Variants in CCDC178 observed in about 807,000 individuals in gnomAD.
The protein encoded by CCDC178 is coiled-coil domain-containing protein 178.
CCDC178 carries 126 observed loss-of-function variants against 117.4 expected under a neutral mutation model. That is an observed-to-expected ratio of 1.07 (90% CI 0.93 to 1.24). The LOEUF is 1.24. CCDC178 is among the 50% of genes most tolerant of loss of function. The pLI is 0.00. For missense variants in CCDC178, 1,030 were observed against 986.9 expected (o/e 1.04, Z -0.59); for synonymous variants, 283 against 313.4 (o/e 0.90, Z 1.02).
chr18:32,955,651 C>A (rs1282702950), intron 22 of CCDC178, among the ~76,000 whole-genome samples: 1 of 151,852 alleles, frequency 6.6e-6, no homozygotes, highest in Non-Finnish European at 1.5e-5. Flanking sequence ...ACATACACTC[C>A]CAGATCTTTG....
At chr18:33,439,931 A>G (rs868657544) in intron 2 of CCDC178, 31 bp downstream of exon 2, 36 of 152,302 alleles carry the variant, frequency 2.4e-4, no homozygotes, top group African/African-American at 7.7e-4. Flanking sequence ...TTGTCAAATC[A>G]CAAATCAGCT....
chr18:33,068,280 T>C (rs543238167), intron 21 of CCDC178, among the ~76,000 whole-genome samples: 1 of 152,192 alleles, frequency 6.6e-6, no homozygotes, highest in African/African-American at 2.4e-5. Flanking sequence ...CTCACAGTAT[T>C]CAAAAAAATT....
intron 12 of CCDC178, among the ~76,000 whole-genome samples, chr18:33,278,579 TATTCTA>T (rs937539386): frequency 3.3e-5 from 5 of 152,060 alleles, no homozygotes; most frequent in Non-Finnish European, 5.9e-5. Context: ...ATATAGGCTT[TATTCTA>T]TCATATACAA....
At chr18:33,430,192 T>G (rs1400506126) in intron 2 of CCDC178, among the ~76,000 whole-genome samples, 1 of 152,248 alleles carries the variant, frequency 6.6e-6, no homozygotes, top group Admixed American at 6.5e-5. Context: ...CTCTGACAGC[T>G]TCTAAACCTA....
intron 21 of CCDC178, among the ~76,000 whole-genome samples, chr18:33,005,604 G>C (rs751738115): frequency 1.3e-5 from 2 of 151,986 alleles, no homozygotes; most frequent in African/African-American, 4.8e-5. Context: ...ATAACTAATA[G>C]AGAATAATTG....
intron 2 of CCDC178, among the ~76,000 whole-genome samples, chr18:33,412,957 A>C (rs1411098290): frequency 6.6e-6 from 1 of 152,066 alleles, no homozygotes; most frequent in African/African-American, 2.4e-5. Context: ...TGTCCTATAG[A>C]GTTTTCCACA....
chr18:33,132,488 T>C (rs1049975227), intron 20 of CCDC178, among the ~76,000 whole-genome samples: 1 of 151,738 alleles, frequency 6.6e-6, no homozygotes, highest in African/African-American at 2.4e-5. Context: ...GGGTTTCAAG[T>C]GTTTTATATA....
chr18:33,063,571 C>A (rs570838025), intron 21 of CCDC178, among the ~76,000 whole-genome samples: 1 of 152,250 alleles, frequency 6.6e-6, no homozygotes, highest in South Asian at 2.1e-4. Flanking sequence ...CCCATGTGCA[C>A]CTCTCAGGGG....
intron 14 of CCDC178, among the ~76,000 whole-genome samples, chr18:33,252,557 C>T (rs1035399768): frequency 6.6e-6 from 1 of 151,730 alleles, no homozygotes; most frequent in Non-Finnish European, 1.5e-5. Flanking sequence ...GAATTTGACA[C>T]TTCTGTGAAG....
intron 12 of CCDC178, among the ~76,000 whole-genome samples, chr18:33,268,681 G>C (rs1181568273): frequency 6.6e-6 from 1 of 151,348 alleles, no homozygotes. Context: ...TAAATAAGAC[G>C]ACCATGAAAA....
chr18:33,062,123 C>T (rs1900382934), intron 21 of CCDC178, among the ~76,000 whole-genome samples: 1 of 152,120 alleles, frequency 6.6e-6, no homozygotes, highest in African/African-American at 2.4e-5. Flanking sequence ...TAAAGGTCTA[C>T]TAACAGGTAC....
intron 11 of CCDC178, among the ~76,000 whole-genome samples, chr18:33,295,501 C>A (rs2062095871): frequency 6.6e-6 from 1 of 151,968 alleles, no homozygotes; most frequent in Non-Finnish European, 1.5e-5. Flanking sequence ...GACAAAAAGA[C>A]AAGACTTTAC....
chr18:33,152,337 C>A (rs1244983004), intron 20 of CCDC178, among the ~76,000 whole-genome samples: 4 of 151,996 alleles, frequency 2.6e-5, no homozygotes, highest in East Asian at 3.9e-4. Context: ...GGAATCTTTA[C>A]AAAAATGGTC....
intron 14 of CCDC178, among the ~76,000 whole-genome samples, chr18:33,259,612 G>A (rs1211843556): frequency 1.3e-5 from 2 of 152,004 alleles, no homozygotes; most frequent in African/African-American, 2.4e-5. Flanking sequence ...TCACTATCAC[G>A]AGAACAGCAA....
intron 21 of CCDC178, among the ~76,000 whole-genome samples, chr18:33,054,117 T>C (rs1413289163): frequency 6.6e-6 from 1 of 152,186 alleles, no homozygotes; most frequent in African/African-American, 2.4e-5. Context: ...CCCTTTCCTA[T>C]AATTATTAAT....
chr18:33,281,073 G>A lies in CCDC178; in HGVS notation c.1176+12086C>T, dbSNP rs962404995. 4.9e-5 allele frequency among the ~76,000 whole-genome samples: 7 copies of A among 144,058 alleles called. No individual in the cohort carries two copies. The East Asian group carries it at 1.5e-3, about 31-fold the overall frequency. 94.5% of individuals were successfully genotyped at this position (144,058 alleles called of 152,430 possible). On this transcript the variant is annotated intron_variant, in intron 12 of 22. Transcript: ENST00000383096. ...CATATGTAACTAACCTGCACATTGT[G>A]CACATGTACCTTAAAACTTAAAGTA...
chr18:33,053,256 C>T (rs1331438818), intron 21 of CCDC178, among the ~76,000 whole-genome samples: 3 of 152,110 alleles, frequency 2.0e-5, no homozygotes, highest in African/African-American at 7.2e-5. Flanking sequence ...GCTTTCCCTA[C>T]GGATTTGTTT....
intron 15 of CCDC178, among the ~76,000 whole-genome samples, chr18:33,233,442 T>C (rs528632784): frequency 6.6e-5 from 10 of 152,266 alleles, no homozygotes; most frequent in African/African-American, 2.4e-4. Flanking sequence ...TATAAAGTAA[T>C]ATGCTTAAGG....
intron 7 of CCDC178, among the ~76,000 whole-genome samples, chr18:33,349,352 T>A (rs1429326825): frequency 6.6e-6 from 1 of 151,910 alleles, no homozygotes; most frequent in East Asian, 1.9e-4. Flanking sequence ...CAATGTAAAT[T>A]ACAATGAGTA....
Sources: allele counts gnomAD v4.1 joint callset (sites outside exome capture counted in the v4.1 genomes callset), GRCh38; gene constraint gnomAD v4.1.1; transcripts MANE v1.5; gene names NCBI Gene and HGNC (gene_info 2026-07-23, HGNC 2026-07-21).